Variants in SLAMF6 observed in about 807,000 individuals in gnomAD.
SLAMF6 encodes the protein SLAM family member 6, also known as NK-T-B-antigen.
A neutral mutation model predicts 38.3 loss-of-function variants in SLAMF6; 21 were observed. That is an observed-to-expected ratio of 0.55 (90% CI 0.39 to 0.79). The LOEUF is 0.79. Ranked by LOEUF, SLAMF6 falls within the 30% of genes least tolerant of loss-of-function variation. SLAMF6 has a pLI of 0.00. For missense variants in SLAMF6, 341 were observed against 385.3 expected (o/e 0.89, Z 0.96); for synonymous variants, 152 against 146.3 (o/e 1.04, Z -0.28).
At chr1:160,520,981 G>A (rs1654959384) in intron 1 of SLAMF6, among the ~76,000 whole-genome samples, 1 of 152,196 alleles carries the variant, frequency 6.6e-6, no homozygotes, top group South Asian at 2.1e-4. Flanking sequence ...CAGATGAGAT[G>A]TTACTTTTCC....
At chr1:160,499,759 T>A (rs956137704) in intron 1 of SLAMF6, among the ~76,000 whole-genome samples, 1 of 152,174 alleles carries the variant, frequency 6.6e-6, no homozygotes, top group African/African-American at 2.4e-5. Context: ...GAAGGAAATG[T>A]CTCTTGGAGT....
chr1:160,491,008 C>A, intron 3 of SLAMF6, 117 bp downstream of exon 3: 1 of 1,339,008 alleles, frequency 7.5e-7, no homozygotes, highest in East Asian at 2.3e-5. Context: ...CATCTGTCCC[C>A]TCCCAGCAGC....
intron 1 of SLAMF6, among the ~76,000 whole-genome samples, chr1:160,506,179 A>G (rs1327205625): frequency 6.6e-6 from 1 of 152,218 alleles, no homozygotes; most frequent in Non-Finnish European, 1.5e-5. Flanking sequence ...AATGAACTCC[A>G]AGAAGAATGA....
intron 1 of SLAMF6, among the ~76,000 whole-genome samples, chr1:160,504,265 A>G (rs1435568664): frequency 6.6e-6 from 1 of 152,144 alleles, no homozygotes; most frequent in African/African-American, 2.4e-5. Flanking sequence ...TAGATTTTAG[A>G]TACTCTTACC....
At chr1:160,487,983 G>A (rs568926566) in intron 6 of SLAMF6, among the ~76,000 whole-genome samples, 4 of 151,906 alleles carry the variant, frequency 2.6e-5, no homozygotes, top group African/African-American at 9.7e-5. Context: ...GCAGCTACTT[G>A]GGAGGCCAAG....
chr1:160,496,289 A>C lies in SLAMF6; in HGVS notation c.154T>G (p.Phe52Val), dbSNP rs1471769369. Residue 52 changes from phenylalanine to valine, a missense_variant, in exon 2 of 8, where the codon TTC becomes GTC. Phe to Val is a conservative substitution (Grantham distance 50). Transcript: ENST00000368057. ...GTTTCATTGAAAAGCCAAGTGATGA[A>C]GTTGACCTTCTCTCCTGCAGGAAAC... ...LEFPAGEKVN[F>V]ITWLFNETSL... 1.9e-6 allele frequency: 3 copies of C among 1,613,896 alleles called. No individual in the cohort carries two copies. Among genetic ancestry groups the C allele is most frequent in the African/African-American group, 1.3e-5 (1 of 74,908 alleles).
chr1:160,523,062 G>A, intron 1 of SLAMF6, 82 bp downstream of exon 1: 1 of 1,475,474 alleles, frequency 6.8e-7, no homozygotes, highest in African/African-American at 1.4e-5. Flanking sequence ...CCAGACAACT[G>A]TATACAGACG....
At chr1:160,497,856 C>A (rs1379084325) in intron 1 of SLAMF6, among the ~76,000 whole-genome samples, 1 of 151,872 alleles carries the variant, frequency 6.6e-6, no homozygotes, top group Non-Finnish European at 1.5e-5. Flanking sequence ...GTATATATAC[C>A]AAATTTTCTT....
intron 5 of SLAMF6, 125 bp downstream of exon 5, chr1:160,490,073 G>A: frequency 1.8e-6 from 2 of 1,084,946 alleles, no homozygotes; most frequent in Non-Finnish European, 2.8e-6. Flanking sequence ...CACAGCATGT[G>A]GTCTGAGTAA....
chr1:160,523,080 T>C (rs1247609320), intron 1 of SLAMF6, 64 bp downstream of exon 1: 2 of 1,570,578 alleles, frequency 1.3e-6, no homozygotes, highest in Non-Finnish European at 8.8e-7. Flanking sequence ...ACGATTTAGG[T>C]TGAGCAAGCT....
Position 160,491,281 on chromosome 1 carries a change from A to G in SLAMF6, c.490T>C (p.Phe164Leu). 4.3e-6 allele frequency: 7 copies of G among 1,614,052 alleles called. No homozygotes were observed. Among genetic ancestry groups the G allele is most frequent in the Non-Finnish European group, 5.9e-6 (7 of 1,179,970 alleles). ...GTGTTTCCCAAGGCCTCCCATCTGA[A>G]TGAGACATTGTCATCTGCATCCTCC... is the stretch of plus-strand genomic sequence containing the variant. Reference protein sequence around the residue: ...SVEDADDNVSFRWEALGNTLS... With the variant: ...SVEDADDNVSLRWEALGNTLS... The change falls in exon 3 of 8, where the codon TTC (phenylalanine) becomes CTC (leucine). Residue 164 changes from phenylalanine to leucine, a missense_variant. Phe to Leu is a conservative substitution (Grantham distance 22). Coordinates refer to ENST00000368057, the MANE Select transcript of SLAMF6 (RefSeq NM_001184714.2).
chr1:160,489,537 T>C (rs1653161705), intron 5 of SLAMF6, among the ~76,000 whole-genome samples: 1 of 152,184 alleles, frequency 6.6e-6, no homozygotes, highest in Non-Finnish European at 1.5e-5. Context: ...ATTTGGGATA[T>C]TATTAAGCTT....
chr1:160,488,648 A>G (rs1038809572), intron 6 of SLAMF6, among the ~76,000 whole-genome samples: 2 of 151,612 alleles, frequency 1.3e-5, no homozygotes, highest in Non-Finnish European at 2.9e-5. Context: ...CTACTTCTGA[A>G]CTCCCCTAAG....
intron 1 of SLAMF6, among the ~76,000 whole-genome samples, chr1:160,497,845 T>A (rs906594876): frequency 2.6e-5 from 4 of 152,172 alleles, no homozygotes; most frequent in Non-Finnish European, 4.4e-5. Context: ...TATTCCATGG[T>A]GTATATATAC....
Position 160,523,234 on chromosome 1 carries a change from T to C in SLAMF6, c.-42A>G. 6.2e-7 allele frequency: 1 copy of C among 1,605,006 alleles called. No individual in the cohort carries two copies. Among genetic ancestry groups the C allele is most frequent in the Non-Finnish European group, 8.5e-7 (1 of 1,176,090 alleles). ...ACTGGTGCTTGAGACCTTGAGGCAG[T>C]CAATGTTTTTGCCCTTCTGTCATAA... On this transcript the variant is annotated 5_prime_UTR_variant, in exon 1 of 8. Transcript: ENST00000368057.
chr1:160,513,071 T>A (rs992646323), intron 1 of SLAMF6, among the ~76,000 whole-genome samples: 1 of 152,162 alleles, frequency 6.6e-6, no homozygotes, highest in African/African-American at 2.4e-5. Context: ...TTTGCCGAGC[T>A]AAAGGAGTAT....
chr1:160,488,553 G>T (rs939097050), intron 6 of SLAMF6, among the ~76,000 whole-genome samples: 16 of 152,122 alleles, frequency 1.1e-4, no homozygotes, highest in African/African-American at 3.9e-4. Flanking sequence ...CAGCCATCCT[G>T]TTATGCTGCT....
intron 1 of SLAMF6, among the ~76,000 whole-genome samples, chr1:160,520,826 A>T (rs774465032): frequency 6.6e-6 from 1 of 152,164 alleles, no homozygotes; most frequent in South Asian, 2.1e-4. Context: ...CATTTGCCCC[A>T]CATTTTTGCA....
chr1:160,506,633 T>C (rs1454027301), intron 1 of SLAMF6, among the ~76,000 whole-genome samples: 1 of 152,200 alleles, frequency 6.6e-6, no homozygotes, highest in Admixed American at 6.5e-5. Context: ...AAAGCCAGTA[T>C]TCTTGCATTT....
Sources: gnomAD v4.1 joint callset for allele counts (sites outside exome capture counted in the v4.1 genomes callset) on GRCh38, gnomAD v4.1.1 for gene constraint, MANE v1.5 for transcripts, NCBI Gene and HGNC (gene_info 2026-07-23, HGNC 2026-07-21) for gene names.